PDZD8: variants seen among roughly 807,000 people sequenced by gnomAD.
PDZD8 encodes PDZ domain containing 8.
Under a neutral mutation model 85.8 loss-of-function variants are expected in PDZD8, and 14 were observed. That is an observed-to-expected ratio of 0.16 (90% CI 0.11 to 0.26). The LOEUF (loss-of-function observed/expected upper bound fraction) is 0.26, where lower values mean the gene tolerates loss of function less well. PDZD8 is among the 10% of genes least tolerant of loss of function. The pLI is 1.00. For missense variants in PDZD8, 1,197 were observed against 1,424.3 expected, an observed-to-expected ratio of 0.84 and a Z score of 2.57; for synonymous variants, 592 against 568.6, an observed-to-expected ratio of 1.04 and a Z score of -0.59.
intron 1 of PDZD8, among the ~76,000 whole-genome samples, chr10:117,355,242 A>G (rs1346910022): frequency 2.0e-5 from 3 of 152,180 alleles, no homozygotes; most frequent in African/African-American, 7.2e-5. Flanking sequence ...GCCTAGTCCT[A>G]TGTGGTAAGC....
chr10:117,292,082 A>T (rs1844777336), intron 3 of PDZD8, among the ~76,000 whole-genome samples: 1 of 152,204 alleles, frequency 6.6e-6, no homozygotes, highest in African/African-American at 2.4e-5. Context: ...TTGGACAGAA[A>T]TTCAATTTTC....
intron 1 of PDZD8, among the ~76,000 whole-genome samples, chr10:117,366,527 A>G (rs941641222): frequency 9.2e-5 from 14 of 152,054 alleles, no homozygotes; most frequent in Non-Finnish European, 1.5e-4. Flanking sequence ...GCCAGATAGT[A>G]TTTGTGGGTA....
chr10:117,358,395 T>G (rs1357068134), intron 1 of PDZD8, among the ~76,000 whole-genome samples: 1 of 152,138 alleles, frequency 6.6e-6, no homozygotes, highest in Non-Finnish European at 1.5e-5. Context: ...TTTTGCCATG[T>G]AAAAGTAATG....
chr10:117,346,345 A>G (rs752433694), intron 1 of PDZD8, among the ~76,000 whole-genome samples: 3 of 152,000 alleles, frequency 2.0e-5, no homozygotes, highest in Non-Finnish European at 4.4e-5. Context: ...CCAAAAATAA[A>G]ATTCTAAGAT....
chr10:117,341,301 T>G (rs1044207879), intron 1 of PDZD8, among the ~76,000 whole-genome samples, 199 bp from the exon 2 acceptor site: 6 of 152,142 alleles, frequency 3.9e-5, no homozygotes, highest in African/African-American at 1.4e-4. Context: ...AGTCTTGGTT[T>G]TTTGGTATGC....
rs138797529 is a variant in PDZD8, at chr10:117,313,693, T to C, written c.1098+5179A>G. On this transcript the variant is annotated intron_variant, in intron 3 of 4. Transcript: ENST00000334464. ...TGTTTTCATTTCTTCTATATGCTCA[T>C]TTAGCATCTTTGTATCAGGAATGAT... Among the ~76,000 whole-genome samples the C allele has an allele frequency of 3.7e-3, 565 of 152,294 alleles. 4 individuals carry two copies. The highest frequency in any genetic ancestry group is 0.013 in the African/African-American group (534 of 41,566).
Position 117,283,701 on chromosome 10 carries a change from C to T in PDZD8, c.3032G>A (p.Ser1011Asn), listed in dbSNP as rs776770926. The T allele has an allele frequency of 1.2e-6, 2 of 1,614,090 alleles. No homozygotes were observed. Among genetic ancestry groups the T allele is most frequent in the Non-Finnish European group, 1.7e-6 (2 of 1,180,050 alleles). Residue 1011 changes from serine to asparagine, a missense_variant, in exon 5 of 5, where the codon AGT becomes AAT. This residue lies in a region of PDZD8 where 418 missense variants were observed against 571.1 expected (regional missense o/e 0.73). Coordinates refer to ENST00000334464, the MANE Select transcript of PDZD8 (RefSeq NM_173791.5). ...LVRKEGGLDD[S>N]VFIAVKEIGR... The stretch of plus-strand genomic sequence containing the variant: ...AATTTCTTTAACTGCAATGAAAACA[C>T]TGTCATCCAGACCACCCTCTTTTCT...
Position 117,284,381 on chromosome 10 carries a change from A to G in PDZD8, c.2352T>C (p.Phe784=), listed in dbSNP as rs115533335. The change falls in exon 5 of 5, where the codon TTT becomes TTC. Residue 784 remains phenylalanine, a synonymous_variant. Transcript: ENST00000334464. The part of the protein sequence containing the change: ...LSMQKGFNDK[F]CYGDITIHFK... Reference sequence around the variant, plus strand: ...AGTGAATAGTAATGTCACCATAGCAAAATTTGTCATTGAATCCCTTTTGCA... The same window carrying G: ...AGTGAATAGTAATGTCACCATAGCAGAATTTGTCATTGAATCCCTTTTGCA... 2.5e-6 allele frequency: 4 copies of G among 1,614,184 alleles called. No homozygotes were observed. Among genetic ancestry groups the G allele is most frequent in the Non-Finnish European group, 3.4e-6 (4 of 1,180,030 alleles).
At chr10:117,350,264 GTTTCT>G (rs1462846513) in intron 1 of PDZD8, among the ~76,000 whole-genome samples, 28 of 115,784 alleles carry the variant, frequency 2.4e-4, no homozygotes, top group African/African-American at 1.0e-3. Flanking sequence ...TTGTTTGTTT[GTTTCT>G]TTTTTTTTTT....
chr10:117,286,266 T>C (rs1042517060), intron 4 of PDZD8, among the ~76,000 whole-genome samples: 3 of 152,262 alleles, frequency 2.0e-5, no homozygotes, highest in Non-Finnish European at 4.4e-5. Context: ...CTGACCTTAG[T>C]AGCTTCTAGT....
At chr10:117,303,763 C>T (rs975309992) in intron 3 of PDZD8, among the ~76,000 whole-genome samples, 1 of 152,236 alleles carries the variant, frequency 6.6e-6, no homozygotes, top group Non-Finnish European at 1.5e-5. Context: ...CAACGTATAG[C>T]TTGGGCTGTG....
intron 1 of PDZD8, among the ~76,000 whole-genome samples, chr10:117,348,978 T>C (rs1052828153): frequency 2.6e-5 from 4 of 152,212 alleles, no homozygotes; most frequent in Admixed American, 2.0e-4. Context: ...AATAACATGG[T>C]ATGGCAAGAA....
rs1383224729 is a variant in PDZD8 at position 117,284,614 on chromosome 10, A to T, written c.2119T>A (p.Cys707Ser). 3 of 1,614,218 alleles carry T rather than the reference A, an allele frequency of 1.9e-6. No homozygotes were observed. The highest frequency in any genetic ancestry group is 2.2e-5 in the East Asian group (1 of 44,884). ...RASCLFDIEA[C>S]HRYLNIALWC... The stretch of plus-strand genomic sequence containing the variant: ...AATGCAATGTTTAAGTACCTGTGAC[A>T]GGCTTCTATGTCAAACAAACAGGAT... Residue 707 changes from cysteine (C) to serine (S), a missense_variant, in exon 5 of 5, where the codon TGT becomes AGT. Cys to Ser is a moderately radical substitution (Grantham distance 112, BLOSUM62 -1). This residue lies in a region of PDZD8 where 418 missense variants were observed against 571.1 expected (regional missense o/e 0.73). Transcript: ENST00000334464.
At chr10:117,312,019 A>G (rs1844047049) in intron 3 of PDZD8, among the ~76,000 whole-genome samples, 1 of 152,044 alleles carries the variant, frequency 6.6e-6, no homozygotes, top group Non-Finnish European at 1.5e-5. Flanking sequence ...GTTCACTCCT[A>G]TTTCCCATCA....
At chr10:117,301,013 C>T (rs1387163072) in intron 3 of PDZD8, among the ~76,000 whole-genome samples, 1 of 151,940 alleles carries the variant, frequency 6.6e-6, no homozygotes, top group Non-Finnish European at 1.5e-5. Flanking sequence ...TTTTTTGAGA[C>T]AGTCTTGCTC....
chr10:117,357,411 T>C (rs1844914460), intron 1 of PDZD8, among the ~76,000 whole-genome samples: 1 of 151,426 alleles, frequency 6.6e-6, no homozygotes, highest in South Asian at 2.1e-4. Flanking sequence ...AAAATCAGGA[T>C]ACATTGTTGA....
intron 2 of PDZD8, among the ~76,000 whole-genome samples, chr10:117,330,594 C>A (rs770565721): frequency 6.6e-6 from 1 of 152,154 alleles, no homozygotes; most frequent in Non-Finnish European, 1.5e-5. Flanking sequence ...ACTCACTAAA[C>A]CCTGTCCTAG....
chr10:117,321,397 A>G (rs1365084958), intron 2 of PDZD8, among the ~76,000 whole-genome samples: 2 of 152,202 alleles, frequency 1.3e-5, no homozygotes, highest in Non-Finnish European at 2.9e-5. Context: ...ACAAAAGACT[A>G]CATATTGTAT....
intron 1 of PDZD8, among the ~76,000 whole-genome samples, chr10:117,363,267 T>C (rs1845027757): frequency 6.6e-6 from 1 of 152,106 alleles, no homozygotes; most frequent in Non-Finnish European, 1.5e-5. Context: ...TAATCCCGTA[T>C]GTATGAAAGA....
Sources: gnomAD v4.1 joint callset for allele counts (sites outside exome capture counted in the v4.1 genomes callset) on GRCh38, gnomAD v4.1.1 for gene constraint, gnomAD v4.1.1 regional missense constraint, MANE v1.5 for transcripts, NCBI Gene and HGNC (gene_info 2026-07-23, HGNC 2026-07-21) for gene names.